TENM1: variants seen among roughly 807,000 people sequenced by gnomAD.
The protein encoded by TENM1 is teneurin transmembrane protein 1.
Under a neutral mutation model 174.8 loss-of-function variants are expected in TENM1, and 35 were observed. The observed-to-expected ratio is 0.20, with a 90% CI of 0.15 to 0.27. The LOEUF (loss-of-function observed/expected upper bound fraction) is 0.27. TENM1 is among the 10% of genes least tolerant of loss of function. TENM1 has a pLI of 1.00. For missense variants in TENM1, 1,633 were observed against 2,130.1 expected, an observed-to-expected ratio of 0.77 and a Z score of 4.59; for synonymous variants, 781 against 798.7, an observed-to-expected ratio of 0.98 and a Z score of 0.37.
the TENM1 span, among the ~76,000 whole-genome samples, chrX:125,152,277 A>C: frequency 9.0e-6 from 1 of 110,877 alleles, no homozygotes; most frequent in East Asian, 2.8e-4. Flanking sequence ...AATAGTGTGA[A>C]TGTGTAAAGA....
At chrX:125,013,401 G>T in the TENM1 span, among the ~76,000 whole-genome samples, 1 of 111,471 alleles carries the variant, frequency 9.0e-6, no homozygotes, top group Non-Finnish European at 1.9e-5. Context: ...AAATATCTTA[G>T]TATTTAATTT....
chrX:124,724,741 G>A (rs1306116724), intron 4 of TENM1, among the ~76,000 whole-genome samples: 1 of 111,750 alleles, frequency 8.9e-6, no homozygotes, highest in African/African-American at 3.3e-5. Flanking sequence ...GGATGCAGTG[G>A]GTCATGATTG....
the TENM1 span, among the ~76,000 whole-genome samples, chrX:124,969,637 T>A: frequency 1.8e-5 from 2 of 112,027 alleles, no homozygotes; most frequent in Admixed American, 9.5e-5. Flanking sequence ...ATTTTGCAGA[T>A]AAAGAAAACC....
At chrX:124,451,091 ACTGT>A (rs763746180) in intron 23 of TENM1, among the ~76,000 whole-genome samples, 1 of 111,856 alleles carries the variant, frequency 8.9e-6, no homozygotes, top group African/African-American at 3.3e-5. Flanking sequence ...AGGTTTGAGG[ACTGT>A]CTAATCTATT....
At chrX:125,121,558 C>T in the TENM1 span, among the ~76,000 whole-genome samples, 6 of 111,632 alleles carry the variant, frequency 5.4e-5, no homozygotes, top group African/African-American at 1.9e-4. Flanking sequence ...CTTGATTTTT[C>T]AAATCTCGTA....
At chrX:124,747,341 GAGTC>G (rs1286416172) in intron 3 of TENM1, among the ~76,000 whole-genome samples, 7 of 107,509 alleles carry the variant, frequency 6.5e-5, no homozygotes, top group African/African-American at 2.4e-4. Flanking sequence ...AAGGGGAAGA[GAGTC>G]AGCTTGCATA....
chrX:124,474,416 C>A (rs2061365763), intron 22 of TENM1, among the ~76,000 whole-genome samples: 1 of 111,507 alleles, frequency 9.0e-6, no homozygotes, highest in African/African-American at 3.3e-5. Flanking sequence ...ACTCAAAAAC[C>A]TGAAAAATTA....
chrX:125,186,752 C>T, the TENM1 span, among the ~76,000 whole-genome samples: 3 of 111,149 alleles, frequency 2.7e-5, no homozygotes, highest in Non-Finnish European at 5.7e-5. Flanking sequence ...CCAAATAAAC[C>T]TCCTTTCTTT....
At chrX:124,545,864 C>T (rs2048416808) in intron 15 of TENM1, among the ~76,000 whole-genome samples, 1 of 111,144 alleles carries the variant, frequency 9.0e-6, no homozygotes, top group East Asian at 2.8e-4. Flanking sequence ...CCTAGAGAGT[C>T]AGAACTACAC....
At chrX:124,983,179 T>C in the TENM1 span, among the ~76,000 whole-genome samples, 4 of 111,593 alleles carry the variant, frequency 3.6e-5, no homozygotes, top group African/African-American at 1.3e-4. Context: ...TACTGTCTTT[T>C]TTTTTTAGAC....
the TENM1 span, among the ~76,000 whole-genome samples, chrX:125,158,677 CCA>C: frequency 9.0e-6 from 1 of 110,857 alleles, no homozygotes; most frequent in Admixed American, 9.6e-5. Context: ...CTGCAAAATA[CCA>C]GTGTTTGGGT....
intron 1 of TENM1, among the ~76,000 whole-genome samples, chrX:124,923,595 A>T (rs1256794956): frequency 8.9e-6 from 1 of 112,276 alleles, no homozygotes; most frequent in Admixed American, 9.5e-5. Flanking sequence ...AGGGAAATGA[A>T]GGTTGCAGAT....
chrX:124,996,884 C>G, the TENM1 span, among the ~76,000 whole-genome samples: 1 of 111,172 alleles, frequency 9.0e-6, no homozygotes, highest in East Asian at 2.8e-4. Flanking sequence ...TCAACTAGTA[C>G]CAGCATCTAG....
chrX:125,123,459 A>T, the TENM1 span, among the ~76,000 whole-genome samples: 1 of 105,428 alleles, frequency 9.5e-6, no homozygotes, highest in Non-Finnish European at 1.9e-5. Flanking sequence ...TAAAAATAAA[A>T]TTAGCCAGGA....
rs1353098411 is a variant in TENM1 at position 124,518,551 on chromosome X, G to A, written c.3301+1966C>T. ...CCATGCTTTATACTATGTGATCACA[G>A]TACCCTGGCCACAACAAAATGAAAA... On this transcript the variant is annotated intron_variant, in intron 18 of 31. Transcript: ENST00000422452. 6.3e-5 allele frequency among the ~76,000 whole-genome samples: 7 copies of A among 111,021 alleles called. No homozygotes were observed. In the Admixed American group the frequency reaches 6.7e-4, roughly 11 times the overall value.
At chrX:124,605,758 A>G (rs2050140538) in intron 11 of TENM1, among the ~76,000 whole-genome samples, 1 of 111,667 alleles carries the variant, frequency 9.0e-6, no homozygotes, top group Non-Finnish European at 1.9e-5. Context: ...CCACTGGAAT[A>G]CCAATGTTGC....
chrX:124,879,640 T>C (rs901579372), intron 3 of TENM1, among the ~76,000 whole-genome samples: 1 of 111,480 alleles, frequency 9.0e-6, no homozygotes, highest in South Asian at 3.7e-4. Flanking sequence ...TGCCCAAGAG[T>C]GGGAATGCTG....
chrX:124,729,422 C>A lies in TENM1; in HGVS notation c.776+7535G>T, dbSNP rs776480936. On this transcript the variant is annotated intron_variant, in intron 4 of 31. Coordinates refer to ENST00000422452, the Ensembl canonical transcript of TENM1. ...ACAAAACAAACAGGGAAATTCAGGT[C>A]TATGGAAGTTATGTCATGTGTCTAA... Among the ~76,000 whole-genome samples, 63 of 112,169 alleles carry A rather than the reference C, an allele frequency of 5.6e-4. No homozygotes were observed. The South Asian group carries it at 0.023, about 41-fold the overall frequency.
chrX:124,955,797 G>GCACACACACACACACACACACA (rs376755403), intron 1 of TENM1, among the ~76,000 whole-genome samples: 2 of 91,249 alleles, frequency 2.2e-5, no homozygotes, highest in Non-Finnish European at 4.2e-5. Flanking sequence ...ACACGCGCAC[G>GCACACACACACACACACACACA]CACACACACA....
Sources: allele counts gnomAD v4.1 joint callset (sites outside exome capture counted in the v4.1 genomes callset), GRCh38; gene constraint gnomAD v4.1.1; transcripts MANE v1.5; gene names NCBI Gene and HGNC (gene_info 2026-07-23, HGNC 2026-07-21).